Variants in TENM2 observed in about 807,000 individuals in gnomAD.
The protein encoded by TENM2 is teneurin transmembrane protein 2, also known as teneurin-2.
A neutral mutation model predicts 245.2 loss-of-function variants in TENM2; 52 were observed. The ratio of observed to expected loss-of-function variants is 0.21; its 90% CI spans 0.17 to 0.27. The LOEUF (loss-of-function observed/expected upper bound fraction) is 0.27. TENM2 is among the 10% of genes least tolerant of loss of function. The pLI is 1.00. For synonymous variants in TENM2, 1,363 were observed against 1,438.9 expected, an observed-to-expected ratio of 0.95 and a Z score of 1.19; for missense variants, 3,046 against 3,666.8, an observed-to-expected ratio of 0.83 and a Z score of 4.37.
rs145939384 is a variant in TENM2 at position 168,191,869 on chromosome 5, C to T, written c.2780+1322C>T. 4.5e-3 allele frequency among the ~76,000 whole-genome samples: 691 copies of T among 152,208 alleles called. 7 individuals carry two copies. The highest frequency in any genetic ancestry group is 0.016 in the African/African-American group (651 of 41,534). ...ATGGGTGTCAGCACAGCTGATTCTA[C>T]AGCCTCTTAGAGCTCTCTGGAAAGT... On this transcript the variant is annotated intron_variant, in intron 14 of 28. Coordinates refer to ENST00000518659, the Ensembl canonical transcript of TENM2.
chr5:167,824,951 A>C (rs1355299521), intron 2 of TENM2, among the ~76,000 whole-genome samples: 1 of 152,150 alleles, frequency 6.6e-6, no homozygotes, highest in Non-Finnish European at 1.5e-5. Context: ...CTGCAAAGGG[A>C]ACTCACCCTA....
At chr5:167,905,083 A>AAATG (rs1183263690) in intron 3 of TENM2, among the ~76,000 whole-genome samples, 4 of 152,198 alleles carry the variant, frequency 2.6e-5, no homozygotes, top group African/African-American at 9.7e-5. Context: ...TTGAGTCCAA[A>AAATG]AATGATCTCA....
chr5:167,419,803 G>A (rs930518574), intron 2 of TENM2, among the ~76,000 whole-genome samples: 14 of 152,088 alleles, frequency 9.2e-5, no homozygotes, highest in Non-Finnish European at 1.5e-4. Flanking sequence ...AAGATTATCC[G>A]AAAAGGGAAA....
chr5:168,098,041 G>C, exon 9 of TENM2: 1 of 1,613,074 alleles, frequency 6.2e-7, no homozygotes, highest in Non-Finnish European at 8.5e-7. Context: ...GTGCAGGACT[G>C]TCCACGTAAC....
intron 2 of TENM2, among the ~76,000 whole-genome samples, chr5:167,429,591 TTCTC>T (rs200918525): frequency 6.1e-4 from 82 of 134,040 alleles, no homozygotes; most frequent in Non-Finnish European, 9.6e-4. Flanking sequence ...GAAATTCTCT[TTCTC>T]TCTCTCTCTC....
At chr5:167,213,431 A>G in the TENM2 span, among the ~76,000 whole-genome samples, 772 of 152,280 alleles carry the variant, frequency 5.1e-3, 8 homozygotes, top group African/African-American at 0.018. Flanking sequence ...TCTCTTTTGT[A>G]AAGATACTAA....
chr5:167,043,686 G>C, the TENM2 span, among the ~76,000 whole-genome samples: 3 of 152,164 alleles, frequency 2.0e-5, no homozygotes, highest in South Asian at 6.2e-4. Flanking sequence ...GGTTTATGCA[G>C]ATGTAAAGCA....
intron 2 of TENM2, among the ~76,000 whole-genome samples, chr5:167,836,555 T>A (rs1434445008): frequency 3.3e-5 from 5 of 152,154 alleles, no homozygotes; most frequent in African/African-American, 1.2e-4. Flanking sequence ...GACAAAAAAA[T>A]AATAAATAGA....
the TENM2 span, among the ~76,000 whole-genome samples, chr5:167,227,566 A>G: frequency 2.0e-5 from 3 of 151,998 alleles, no homozygotes; most frequent in Non-Finnish European, 4.4e-5. Context: ...TTCTCTCAGC[A>G]CTTTGAATAT....
the TENM2 span, among the ~76,000 whole-genome samples, chr5:166,979,913 T>C: frequency 2.0e-5 from 3 of 152,166 alleles, no homozygotes; most frequent in African/African-American, 7.2e-5. Context: ...CATTGCTGTT[T>C]AAGGTTATCG....
At chr5:167,827,496 G>A (rs1583115688) in intron 2 of TENM2, among the ~76,000 whole-genome samples, 1 of 152,060 alleles carries the variant, frequency 6.6e-6, no homozygotes, top group South Asian at 2.1e-4. Flanking sequence ...AATTACCATA[G>A]GAATTAATGC....
chr5:168,262,270 G>C, exon 29 of TENM2: 1 of 1,608,034 alleles, frequency 6.2e-7, no homozygotes. Context: ...ATAGCCGCAA[G>C]GTGGCATCTG....
At chr5:167,170,861 G>A in the TENM2 span, among the ~76,000 whole-genome samples, 8 of 143,220 alleles carry the variant, frequency 5.6e-5, no homozygotes, top group South Asian at 8.3e-4. Context: ...AGTGAATCAC[G>A]TCTCCTAAAA....
At chr5:168,202,041 A>G (rs950599699) in intron 17 of TENM2, among the ~76,000 whole-genome samples, 1 of 152,152 alleles carries the variant, frequency 6.6e-6, no homozygotes, top group Admixed American at 6.5e-5. Flanking sequence ...TCCTTCCATC[A>G]AGAGGCACCT....
At chr5:167,807,283 T>A (rs1375492313) in intron 2 of TENM2, among the ~76,000 whole-genome samples, 1 of 152,042 alleles carries the variant, frequency 6.6e-6, no homozygotes, top group Non-Finnish European at 1.5e-5. Context: ...CCCAGTGTTC[T>A]AATAAAAGCC....
chr5:167,406,362 G>C (rs1447042372), intron 2 of TENM2, among the ~76,000 whole-genome samples: 1 of 152,136 alleles, frequency 6.6e-6, no homozygotes, highest in African/African-American at 2.4e-5. Flanking sequence ...ATAGAATTAA[G>C]TATTATCAAT....
At chr5:167,236,078 C>T in the TENM2 span, among the ~76,000 whole-genome samples, 2 of 152,142 alleles carry the variant, frequency 1.3e-5, no homozygotes, top group African/African-American at 4.8e-5. Context: ...ACCTCCTATC[C>T]CAAATCATCT....
At chr5:167,069,205 T>C in the TENM2 span, among the ~76,000 whole-genome samples, 5,823 of 152,286 alleles carry the variant, frequency 0.038, 155 homozygotes, top group South Asian at 0.088. Flanking sequence ...AGCTGGTAGT[T>C]TGAATGAAGA....
chr5:167,846,675 T>C (rs923348689), intron 2 of TENM2, among the ~76,000 whole-genome samples: 3 of 152,184 alleles, frequency 2.0e-5, no homozygotes, highest in African/African-American at 7.2e-5. Context: ...ATTTACAAAT[T>C]AATACCCCCA....
Sources: gnomAD v4.1 joint callset for allele counts (sites outside exome capture counted in the v4.1 genomes callset) on GRCh38, gnomAD v4.1.1 for gene constraint, MANE v1.5 for transcripts, NCBI Gene and HGNC (gene_info 2026-07-23, HGNC 2026-07-21) for gene names.